Variants in CYP4F22 observed in about 807,000 individuals in gnomAD.
CYP4F22 encodes ultra-long-chain fatty acid omega-hydroxylase.
In CYP4F22, 37 loss-of-function variants were observed where a neutral mutation model predicts 60.4. The observed-to-expected ratio is 0.61, with a 90% confidence interval of 0.47 to 0.81. CYP4F22 has a LOEUF of 0.81. Ranked by LOEUF, CYP4F22 falls within the 30% of genes least tolerant of loss-of-function variation. The pLI, the probability that CYP4F22 is intolerant of heterozygous loss-of-function variation, is 0.00. For missense variants in CYP4F22, 655 were observed against 715.0 expected (o/e 0.92, Z 0.96); for synonymous variants, 258 against 280.5 (o/e 0.92, Z 0.80).
intron 3 of CYP4F22, 89 bp downstream of exon 3, chr19:15,525,647 G>A: frequency 2.3e-6 from 3 of 1,291,616 alleles, no homozygotes; most frequent in Non-Finnish European, 3.2e-6. Flanking sequence ...GCTTCCCACA[G>A]CCTCCCAAGA....
At chr19:15,514,488 C>T (rs187507020) in intron 1 of CYP4F22, among the ~76,000 whole-genome samples, 78 of 152,206 alleles carry the variant, frequency 5.1e-4, no homozygotes, top group African/African-American at 1.8e-3. Context: ...GAGTTCAAGA[C>T]CAGCCTGGCC....
Position 15,540,495 on chromosome 19 carries a change from G to A in CYP4F22, c.717G>A (p.Leu239=). 6.2e-7 allele frequency: 1 copy of A among 1,614,180 alleles called. No homozygotes were observed. The highest frequency in any genetic ancestry group is 8.5e-7 in the Non-Finnish European group (1 of 1,180,038). ...CCGCTATCATTGAACTGAGCGCTCT[G>A]TCTGTCCGGCGCCAGTATCGCTTGC... The part of the protein sequence containing the change: ...YISAIIELSA[L]SVRRQYRLHH... The change falls in exon 8 of 14, where the codon CTG becomes CTA. Residue 239 remains leucine (L), a synonymous_variant. Coordinates refer to ENST00000269703, the MANE Select transcript of CYP4F22 (RefSeq NM_173483.4).
chr19:15,532,776 G>A (rs758278243), intron 4 of CYP4F22, among the ~76,000 whole-genome samples: 24 of 152,106 alleles, frequency 1.6e-4, no homozygotes, highest in African/African-American at 5.3e-4. Context: ...CAAACAGACC[G>A]AGGAGTAGTG....
chr19:15,537,469 C>T (rs1217890138), intron 5 of CYP4F22, 55 bp downstream of exon 5: 6 of 1,613,968 alleles, frequency 3.7e-6, no homozygotes, highest in Non-Finnish European at 5.1e-6. Context: ...GAGGGAAGAG[C>T]ATGGGGTTCC....
intron 2 of CYP4F22, among the ~76,000 whole-genome samples, chr19:15,524,929 C>CT (rs1285148471): frequency 1.3e-5 from 2 of 152,204 alleles, no homozygotes; most frequent in East Asian, 3.9e-4. Context: ...TTGGGGAAGC[C>CT]TAGAGTGAGT....
chr19:15,535,669 C>G (rs1255518617), intron 4 of CYP4F22, among the ~76,000 whole-genome samples: 3 of 151,024 alleles, frequency 2.0e-5, no homozygotes, highest in Non-Finnish European at 4.4e-5. Flanking sequence ...TCCATTCATC[C>G]ATCCATCCAT....
Position 15,540,614 on chromosome 19 carries a change from T to G in CYP4F22, c.836T>G (p.Ile279Ser). Residue 279 changes from isoleucine to serine, a missense_variant, in exon 8 of 14, where the codon ATC (isoleucine) becomes AGC (serine). Ile to Ser is a moderately radical substitution (Grantham distance 142). Coordinates refer to ENST00000269703, the MANE Select transcript of CYP4F22 (RefSeq NM_173483.4). ...GTGCACCACTTCACCACTGAAGTCA[T>G]CCAGGAACGGCGGCGGGCACTGCGT... Reference protein sequence around the residue: ...DMVHHFTTEVIQERRRALRQQ... With the variant: ...DMVHHFTTEVSQERRRALRQQ... 6.2e-7 allele frequency: 1 copy of G among 1,614,216 alleles called. No individual in the cohort carries two copies. The highest frequency in any genetic ancestry group is 8.5e-7 in the Non-Finnish European group (1 of 1,180,044).
intron 1 of CYP4F22, among the ~76,000 whole-genome samples, chr19:15,509,658 G>A (rs896711565): frequency 1.4e-4 from 21 of 152,214 alleles, no homozygotes; most frequent in African/African-American, 5.1e-4. Flanking sequence ...TGGGAGAGCT[G>A]GGATTTGAAA....
At chr19:15,531,528 A>G (rs1171045252) in intron 4 of CYP4F22, among the ~76,000 whole-genome samples, 1 of 152,164 alleles carries the variant, frequency 6.6e-6, no homozygotes, top group African/African-American at 2.4e-5. Context: ...TTCCACAGCT[A>G]TTCCCTCTCA....
chr19:15,547,992 AGAGGGAGAGAGTGTGTGTGTGT>A (rs879202484), intron 10 of CYP4F22, 94 bp from the exon 11 acceptor site: 5,488 of 504,128 alleles, frequency 0.011, 467 homozygotes, highest in Non-Finnish European at 0.013. Context: ...AGAGAGAGAG[AGAGGGAGAGAGTGTGTGTGTGT>A]GTGTGTGTGT....
At chr19:15,509,946 T>TTTCTTTCTTTCTTTC (rs1184001640) in intron 1 of CYP4F22, among the ~76,000 whole-genome samples, 3 of 136,732 alleles carry the variant, frequency 2.2e-5, no homozygotes, top group Admixed American at 7.8e-5. Context: ...TCTTTCTTTC[T>TTTCTTTCTTTCTTTC]TTTCTCTGTC....
intron 11 of CYP4F22, 115 bp from the exon 12 acceptor site, chr19:15,549,023 G>T: frequency 1.8e-6 from 2 of 1,109,602 alleles, no homozygotes; most frequent in Non-Finnish European, 2.7e-6. Context: ...TGGACAGAAG[G>T]TGGTGGCAGA....
intron 10 of CYP4F22, among the ~76,000 whole-genome samples, chr19:15,545,996 A>G (rs1340553911): frequency 6.6e-6 from 1 of 151,914 alleles, no homozygotes; most frequent in Admixed American, 6.6e-5. Context: ...AGCAACATGA[A>G]GTTTATTTTT....
rs772977381 is a variant in CYP4F22, at chr19:15,537,370, C to T, written c.377C>T (p.Ala126Val). The change falls in exon 5 of 14, where the codon GCC becomes GTC. Residue 126 changes from alanine to valine, a missense_variant. Ala to Val is a moderately conservative substitution (Grantham distance 64, BLOSUM62 0). Transcript: ENST00000269703. ...CCTTTGCCCTCCACAGCTGCCATCG[C>T]CCCCAAGGATGACCTCTTCTATGGC... Reference protein sequence around the residue: ...KPLLGASAAIAPKDDLFYGFL... With the variant: ...KPLLGASAAIVPKDDLFYGFL... 15 of 1,613,960 alleles carry T rather than the reference C, an allele frequency of 9.3e-6. No individual in the cohort carries two copies. Among genetic ancestry groups the T allele is most frequent in the African/African-American group, 2.7e-5 (2 of 74,928 alleles).
At chr19:15,551,241 G>A in intron 13 of CYP4F22, 53 bp from the exon 14 acceptor site, 1 of 1,579,576 alleles carries the variant, frequency 6.3e-7, no homozygotes, top group Non-Finnish European at 8.6e-7. Context: ...TGACCCCCGG[G>A]GACCAGTGCT....
chr19:15,528,282 G>T (rs1447739159), intron 3 of CYP4F22, among the ~76,000 whole-genome samples: 2 of 152,068 alleles, frequency 1.3e-5, no homozygotes, highest in Non-Finnish European at 2.9e-5. Flanking sequence ...GCAAGACCCA[G>T]TTTTTACAAA....
chr19:15,516,088 G>A (rs1428669278), intron 1 of CYP4F22: 2 of 152,132 alleles, frequency 1.3e-5, no homozygotes, highest in African/African-American at 4.8e-5. Context: ...TATCATAGCA[G>A]GACTCAACAT....
chr19:15,521,394 G>A (rs968762938), intron 1 of CYP4F22, among the ~76,000 whole-genome samples: 2 of 151,630 alleles, frequency 1.3e-5, no homozygotes, highest in African/African-American at 4.8e-5. Flanking sequence ...ACCACACCTG[G>A]CTAATTTTTT....
In CYP4F22 at chr19:15,543,965, T is replaced by C. The variant is rs772905841; in HGVS notation, c.940-6T>C. ...TGGGCTGAGCACCCTCTACTGCCCA[T>C]TCCAGGATGAAGATGGAAAGGAACT... is the stretch of plus-strand genomic sequence containing the variant. On this transcript the variant is annotated splice_polypyrimidine_tract_variant and splice_region_variant and intron_variant, in intron 8 of 13. Coordinates refer to ENST00000269703, the MANE Select transcript of CYP4F22 (RefSeq NM_173483.4). 46 of 1,613,710 alleles carry C rather than the reference T, an allele frequency of 2.9e-5. No individual in the cohort carries two copies. The highest frequency in any genetic ancestry group is 3.6e-5 in the Non-Finnish European group (43 of 1,179,984).
Sources: allele counts gnomAD v4.1 joint callset (sites outside exome capture counted in the v4.1 genomes callset), GRCh38; gene constraint gnomAD v4.1.1; transcripts MANE v1.5; gene names NCBI Gene and HGNC (gene_info 2026-07-23, HGNC 2026-07-21).